Variants in NLGN1 observed in about 807,000 individuals in gnomAD.
The protein encoded by NLGN1 is neuroligin-1.
In NLGN1, 12 loss-of-function variants were observed where a neutral mutation model predicts 65.5. That is an observed-to-expected ratio of 0.18 (90% confidence interval 0.12 to 0.30). NLGN1 has a LOEUF of 0.30. NLGN1 is among the 10% of genes least tolerant of loss of function. The pLI is 1.00. For missense variants in NLGN1, 750 were observed against 1,007.1 expected (o/e 0.74, Z 3.46); for synonymous variants, 350 against 359.5 (o/e 0.97, Z 0.30).
At chr3:173,683,228 C>T (rs994119977) in intron 3 of NLGN1, among the ~76,000 whole-genome samples, 5 of 152,122 alleles carry the variant, frequency 3.3e-5, no homozygotes, top group African/African-American at 9.6e-5. Context: ...ATTTTTATCC[C>T]GTTGTTGTCT....
intron 4 of NLGN1, among the ~76,000 whole-genome samples, chr3:174,265,459 C>A (rs1747878774): frequency 6.6e-6 from 1 of 152,124 alleles, no homozygotes. Flanking sequence ...GCGTCCGTCA[C>A]CCCTTTCTTT....
chr3:173,915,736 C>T (rs1473531310), intron 4 of NLGN1, among the ~76,000 whole-genome samples: 2 of 152,088 alleles, frequency 1.3e-5, no homozygotes, highest in Non-Finnish European at 2.9e-5. Flanking sequence ...TATAATCGTT[C>T]TTGTCATGGG....
At chr3:173,798,514 T>C (rs1235743993) in intron 3 of NLGN1, among the ~76,000 whole-genome samples, 1 of 152,142 alleles carries the variant, frequency 6.6e-6, no homozygotes, top group African/African-American at 2.4e-5. Context: ...AATGTAGCTA[T>C]GTTGTTGCAT....
intron 1 of NLGN1, among the ~76,000 whole-genome samples, chr3:173,411,477 C>G (rs1339582465): frequency 6.6e-6 from 1 of 152,194 alleles, no homozygotes; most frequent in East Asian, 1.9e-4. Flanking sequence ...GGCCCCAGGT[C>G]AAGTGGAGTG....
chr3:173,698,955 C>G (rs566705278), intron 3 of NLGN1, among the ~76,000 whole-genome samples: 1 of 152,278 alleles, frequency 6.6e-6, no homozygotes, highest in African/African-American at 2.4e-5. Flanking sequence ...CTCCCAGGTT[C>G]AAGCGATTCT....
At chr3:173,407,198 C>T (rs1374987691) in intron 1 of NLGN1, among the ~76,000 whole-genome samples, 2 of 152,126 alleles carry the variant, frequency 1.3e-5, no homozygotes, top group Non-Finnish European at 2.9e-5. Flanking sequence ...TGCGTAGAAT[C>T]ACATTTTTTG....
intron 4 of NLGN1, among the ~76,000 whole-genome samples, chr3:173,817,261 C>T (rs534491809): frequency 2.0e-5 from 3 of 152,140 alleles, no homozygotes; most frequent in Admixed American, 6.6e-5. Flanking sequence ...GGCTGTGCAG[C>T]ACCTTGTTAA....
At chr3:173,820,181 A>G (rs143465064) in intron 4 of NLGN1, among the ~76,000 whole-genome samples, 95,966 of 134,690 alleles carry the variant, frequency 0.71, 32,724 homozygotes, top group Non-Finnish European at 0.76. Flanking sequence ...TCAGTCTCGA[A>G]AAAAAAAAAA....
At chr3:174,134,518 A>G (rs1720841255) in intron 4 of NLGN1, among the ~76,000 whole-genome samples, 1 of 152,212 alleles carries the variant, frequency 6.6e-6, no homozygotes, top group Non-Finnish European at 1.5e-5. Flanking sequence ...TGAATGAGAT[A>G]TACTGTCCCC....
intron 2 of NLGN1, among the ~76,000 whole-genome samples, chr3:173,527,815 G>A (rs1309085767): frequency 6.6e-6 from 1 of 152,180 alleles, no homozygotes; most frequent in African/African-American, 2.4e-5. Context: ...ATCTGTAGGT[G>A]TCTTTAGGCA....
intron 4 of NLGN1, among the ~76,000 whole-genome samples, chr3:174,151,080 C>G (rs1032586792): frequency 1.6e-4 from 24 of 151,522 alleles, no homozygotes; most frequent in African/African-American, 5.1e-4. Flanking sequence ...CCCTCTTTCT[C>G]TTCTATATAA....
At chr3:174,154,990 T>TA (rs1553948759) in intron 4 of NLGN1, among the ~76,000 whole-genome samples, 1,302 of 99,252 alleles carry the variant, frequency 0.013, 42 homozygotes, top group African/African-American at 0.062. Context: ...TTATATTATA[T>TA]ATTATATATA....
intron 2 of NLGN1, among the ~76,000 whole-genome samples, chr3:173,557,195 T>G (rs1368750371): frequency 1.3e-5 from 2 of 152,132 alleles, no homozygotes; most frequent in East Asian, 3.9e-4. Flanking sequence ...ATGGACCTTT[T>G]TATAATTACG....
intron 3 of NLGN1, among the ~76,000 whole-genome samples, chr3:173,739,589 C>G (rs1444271823): frequency 6.6e-6 from 1 of 152,012 alleles, no homozygotes; most frequent in Non-Finnish European, 1.5e-5. Flanking sequence ...AAAGGTACTT[C>G]TGATGTAAAA....
intron 3 of NLGN1, among the ~76,000 whole-genome samples, chr3:173,651,692 T>C (rs1759201061): frequency 6.6e-6 from 1 of 152,236 alleles, no homozygotes; most frequent in African/African-American, 2.4e-5. Context: ...GGTTTTAGTT[T>C]GCATATCTCT....
intron 4 of NLGN1, among the ~76,000 whole-genome samples, chr3:173,850,914 A>G (rs1345266090): frequency 1.3e-5 from 2 of 150,704 alleles, no homozygotes; most frequent in Non-Finnish European, 3.0e-5. Flanking sequence ...TTTTTTTTTA[A>G]TTTTACTTTC....
chr3:173,837,852 G>A (rs568991969), intron 4 of NLGN1, among the ~76,000 whole-genome samples: 1 of 152,302 alleles, frequency 6.6e-6, no homozygotes, highest in Non-Finnish European at 1.5e-5. Context: ...AAGTGGGACT[G>A]TATGCAGTTC....
intron 3 of NLGN1, among the ~76,000 whole-genome samples, chr3:173,683,780 G>A (rs916271621): frequency 9.9e-5 from 15 of 152,098 alleles, no homozygotes; most frequent in African/African-American, 3.6e-4. Context: ...GGGTGGGTCA[G>A]GTATAGTGCT....
chr3:174,265,775 A>ATATATG (rs1553984501), intron 4 of NLGN1, among the ~76,000 whole-genome samples: 96 of 117,490 alleles, frequency 8.2e-4, no homozygotes, highest in Middle Eastern at 4.5e-3. Flanking sequence ...ATATATATAT[A>ATATATG]TATATATGTA....
Sources: allele counts gnomAD v4.1 joint callset (sites outside exome capture counted in the v4.1 genomes callset), GRCh38; gene constraint gnomAD v4.1.1; transcripts MANE v1.5; gene names NCBI Gene and HGNC (gene_info 2026-07-23, HGNC 2026-07-21).